The following CNTNAP5 variants were observed in gnomAD, a reference collection of about 807,000 sequenced individuals.
CNTNAP5 encodes the protein contactin associated protein family member 5, also known as contactin-associated protein-like 5.
A neutral mutation model predicts 150.2 loss-of-function variants in CNTNAP5; 72 were observed. That is an observed-to-expected ratio of 0.48 (90% CI 0.40 to 0.58). CNTNAP5 has a LOEUF of 0.58. Ranked by LOEUF, CNTNAP5 falls within the 20% of genes least tolerant of loss-of-function variation. CNTNAP5 has a pLI of 0.00. For missense variants in CNTNAP5, 1,636 were observed against 1,626.2 expected (o/e 1.01, Z -0.10); for synonymous variants, 672 against 619.8 (o/e 1.08, Z -1.25).
rs1691956212 is a variant in CNTNAP5, at chr2:124,417,556, T to A, written c.495T>A (p.Ile165=). The change falls in exon 4 of 24, where the codon ATT becomes ATA. Residue 165 remains isoleucine (I), a synonymous_variant. Coordinates refer to ENST00000682447, the MANE Select transcript of CNTNAP5 (RefSeq NM_001367498.1). The stretch of plus-strand genomic sequence containing the variant: ...TGGAATGGAATCCCAGTGGGAAGAT[T>A]GGCATGAGAGTCGAGGTCTACGGAT... The part of the protein sequence containing the change: ...VPLEWNPSGK[I]GMRVEVYGCS... 3.1e-6 allele frequency: 5 copies of A among 1,613,618 alleles called. No homozygotes were observed. Among genetic ancestry groups the A allele is most frequent in the African/African-American group, 1.3e-5 (1 of 74,938 alleles).
At chr2:124,875,342 G>C (rs941512732) in intron 21 of CNTNAP5, among the ~76,000 whole-genome samples, 2 of 151,956 alleles carry the variant, frequency 1.3e-5, no homozygotes, top group Non-Finnish European at 2.9e-5. Flanking sequence ...ATTCCTTTTT[G>C]ATTTTGGACA....
intron 3 of CNTNAP5, among the ~76,000 whole-genome samples, chr2:124,342,904 G>A (rs1028938936): frequency 6.6e-6 from 1 of 152,094 alleles, no homozygotes; most frequent in Non-Finnish European, 1.5e-5. Context: ...TTAATGTTGG[G>A]TTGGCAATTG....
At chr2:124,408,098 T>G (rs1241341790) in intron 3 of CNTNAP5, among the ~76,000 whole-genome samples, 1 of 149,348 alleles carries the variant, frequency 6.7e-6, no homozygotes, top group Non-Finnish European at 1.5e-5. Context: ...GGAGTTCCCT[T>G]TCCGAGTCAA....
At position 124,756,048 on chromosome 2, in the gene CNTNAP5, G is replaced by A. The variant is rs577075561; in HGVS notation, c.2235-7624G>A. On this transcript the variant is annotated intron_variant, in intron 14 of 23. Transcript: ENST00000682447. Reference sequence around the variant, plus strand: ...GCAATAATTTGTGCACCCAGCAGATGTGGCATGGAGTCAGAGCTCAAAGAT... The same window carrying A: ...GCAATAATTTGTGCACCCAGCAGATATGGCATGGAGTCAGAGCTCAAAGAT... 7.3e-4 allele frequency among the ~76,000 whole-genome samples: 111 copies of A among 152,286 alleles called. 1 individual carries two copies. Among genetic ancestry groups the A allele is most frequent in the Middle Eastern group, 3.4e-3 (1 of 294 alleles).
At chr2:124,245,040 T>A (rs1686983413) in intron 3 of CNTNAP5, among the ~76,000 whole-genome samples, 2 of 152,194 alleles carry the variant, frequency 1.3e-5, no homozygotes, top group South Asian at 4.1e-4. Flanking sequence ...TTTTTATTTT[T>A]ATTTTTTGAT....
At chr2:124,238,025 C>A (rs1417597140) in intron 2 of CNTNAP5, among the ~76,000 whole-genome samples, 1 of 152,072 alleles carries the variant, frequency 6.6e-6, no homozygotes, top group African/African-American at 2.4e-5. Context: ...CCCATTGAGG[C>A]TGCTTTGAAA....
chr2:124,397,015 A>G (rs1199195927), intron 3 of CNTNAP5, among the ~76,000 whole-genome samples: 1 of 152,226 alleles, frequency 6.6e-6, no homozygotes, highest in Non-Finnish European at 1.5e-5. Flanking sequence ...CTTGAGTCTC[A>G]GTCTCCTGTC....
chr2:124,351,461 C>T (rs1016057978), intron 3 of CNTNAP5, among the ~76,000 whole-genome samples: 1 of 152,154 alleles, frequency 6.6e-6, no homozygotes, highest in Non-Finnish European at 1.5e-5. Flanking sequence ...ATAGAACTGT[C>T]ATGGGTTCAT....
intron 19 of CNTNAP5, among the ~76,000 whole-genome samples, chr2:124,818,385 T>C (rs1279807490): frequency 6.6e-6 from 1 of 151,996 alleles, no homozygotes; most frequent in Non-Finnish European, 1.5e-5. Flanking sequence ...AAGCTTGGCA[T>C]GGTGACATGT....
At chr2:124,839,514 T>C (rs1053972323) in intron 19 of CNTNAP5, among the ~76,000 whole-genome samples, 8 of 151,960 alleles carry the variant, frequency 5.3e-5, no homozygotes, top group African/African-American at 1.9e-4. Context: ...AATCCAATCT[T>C]GCCTGAACTC....
At chr2:124,878,588 A>G (rs1677906135) in intron 21 of CNTNAP5, among the ~76,000 whole-genome samples, 1 of 152,074 alleles carries the variant, frequency 6.6e-6, no homozygotes, top group Admixed American at 6.6e-5. Flanking sequence ...CTCCCACTCT[A>G]GGGGAATGAA....
chr2:124,566,634 A>G (rs949172475), intron 11 of CNTNAP5, among the ~76,000 whole-genome samples: 2 of 152,196 alleles, frequency 1.3e-5, no homozygotes, highest in Non-Finnish European at 2.9e-5. Flanking sequence ...GCTTCTGGGC[A>G]CTCAGCCAGG....
intron 7 of CNTNAP5, among the ~76,000 whole-genome samples, chr2:124,497,734 G>A (rs541419207): frequency 2.0e-5 from 3 of 152,182 alleles, no homozygotes; most frequent in Non-Finnish European, 4.4e-5. Context: ...GAGAGTCCAG[G>A]TTTAGGAATG....
chr2:124,502,384 C>T (rs547544561), intron 7 of CNTNAP5, among the ~76,000 whole-genome samples: 1 of 152,106 alleles, frequency 6.6e-6, no homozygotes, highest in Non-Finnish European at 1.5e-5. Flanking sequence ...TGGCTGTGAT[C>T]CAGAGAACAC....
At chr2:124,198,012 A>G (rs1159993261) in intron 1 of CNTNAP5, among the ~76,000 whole-genome samples, 1 of 151,680 alleles carries the variant, frequency 6.6e-6, no homozygotes, top group Non-Finnish European at 1.5e-5. Flanking sequence ...TAATAATAAT[A>G]ATAAAACAAT....
chr2:124,200,542 C>T (rs1685703957), intron 1 of CNTNAP5, among the ~76,000 whole-genome samples: 1 of 152,018 alleles, frequency 6.6e-6, no homozygotes, highest in South Asian at 2.1e-4. Flanking sequence ...AAAAAAAACA[C>T]TTAACATGAG....
intron 3 of CNTNAP5, among the ~76,000 whole-genome samples, chr2:124,283,873 C>A (rs1688080656): frequency 6.6e-6 from 1 of 152,126 alleles, no homozygotes; most frequent in African/African-American, 2.4e-5. Context: ...TTTATGAGAG[C>A]CTCACCCTCA....
chr2:124,779,008 T>A (rs1681388440), intron 17 of CNTNAP5, among the ~76,000 whole-genome samples: 1 of 152,188 alleles, frequency 6.6e-6, no homozygotes. Context: ...AAGGATCTGC[T>A]CTCAGGCTCA....
chr2:124,848,852 T>C (rs1001122159), intron 19 of CNTNAP5, among the ~76,000 whole-genome samples: 1 of 152,200 alleles, frequency 6.6e-6, no homozygotes, highest in Admixed American at 6.6e-5. Context: ...GTTTATTCTT[T>C]GCTATTGAGT....
Sources: allele counts gnomAD v4.1 joint callset (sites outside exome capture counted in the v4.1 genomes callset), GRCh38; gene constraint gnomAD v4.1.1; transcripts MANE v1.5; gene names NCBI Gene and HGNC (gene_info 2026-07-23, HGNC 2026-07-21).